The following NDUFS4 variants were observed in gnomAD, a reference collection of about 807,000 sequenced individuals.
NDUFS4 encodes NADH:ubiquinone oxidoreductase subunit S4.
In NDUFS4, 28 loss-of-function variants were observed where a neutral mutation model predicts 24.3. The observed-to-expected ratio is 1.15, with a 90% CI of 0.85 to 1.58. NDUFS4 has a LOEUF of 1.58. Among genes scored for constraint, NDUFS4 ranks in the 40% most tolerant of loss-of-function variants. The pLI is 0.00. For missense variants in NDUFS4, 223 were observed against 207.9 expected (o/e 1.07, Z -0.45); for synonymous variants, 93 against 69.7 (o/e 1.34, Z -1.67).
At position 53,632,265 on chromosome 5, in the gene NDUFS4, G is replaced by C. The variant is rs1751431385; in HGVS notation, c.178-13968G>C. Among the ~76,000 whole-genome samples the C allele has an allele frequency of 7.9e-5, 12 of 152,290 alleles. No homozygotes were observed. The South Asian group carries it at 2.5e-3, about 32-fold the overall frequency. ...ACTGTCTTCCTTTATACAGCATTTA[G>C]ATTTGTTTCAGCAGTCTACTACTGC... On this transcript the variant is annotated intron_variant, in intron 2 of 4. Transcript: ENST00000296684.
chr5:53,619,114 AAAT>A (rs574681564), intron 2 of NDUFS4, among the ~76,000 whole-genome samples: 18 of 148,958 alleles, frequency 1.2e-4, no homozygotes, highest in Admixed American at 2.0e-4. Flanking sequence ...ACTGTCTCCA[AAAT>A]AATAATAATA....
At position 53,560,727 on chromosome 5, in the gene NDUFS4, T is replaced by C; in HGVS notation, c.65T>C (p.Val22Ala). ...TTGTGGCGGAGAAGGGCAGTGGCTGTAGCTGCCCTTTCCGTTTCCAGGGTT... is the reference window on the plus strand; with the variant it reads ...TTGTGGCGGAGAAGGGCAGTGGCTGCAGCTGCCCTTTCCGTTTCCAGGGTT... ...QTLWRRRAVA[V>A]AALSVSRVPT... The change falls in exon 1 of 5, where the codon GTA becomes GCA. Residue 22 changes from valine to alanine, a missense_variant. Transcript: ENST00000296684. The C allele has an allele frequency of 6.2e-7, 1 of 1,614,242 alleles. No individual in the cohort carries two copies. Among genetic ancestry groups the C allele is most frequent in the Non-Finnish European group, 8.5e-7 (1 of 1,180,036 alleles).
At chr5:53,665,873 G>A (rs1398113418) in intron 4 of NDUFS4, among the ~76,000 whole-genome samples, 2 of 152,180 alleles carry the variant, frequency 1.3e-5, no homozygotes, top group African/African-American at 4.8e-5. Context: ...GATGAACCCG[G>A]TACCTCAGTT....
chr5:53,652,141 T>TA (rs1225141675), intron 3 of NDUFS4, among the ~76,000 whole-genome samples: 36 of 152,312 alleles, frequency 2.4e-4, no homozygotes, highest in African/African-American at 8.4e-4. Context: ...TTGGAGGGTT[T>TA]AACAGACATC....
rs35754713 is a variant in NDUFS4 at position 53,658,784 on chromosome 5, C to CAAAA, written c.424+177_424+180dup. 394 of 138,192 alleles carry CAAAA rather than the reference C, an allele frequency of 2.9e-3. 1 individual carries two copies. Among genetic ancestry groups the CAAAA allele is most frequent in the African/African-American group, 6.7e-3 (193 of 28,612 alleles). The allele number at this position is 138,192 out of a possible 1,614,324, so 8.6% of individuals were successfully genotyped here. A position where few individuals can be genotyped will look rare whatever the true frequency, so the allele number is the denominator to read the frequency against. On this transcript the variant is annotated intron_variant, in intron 4 of 4. Coordinates refer to ENST00000296684, the MANE Select transcript of NDUFS4 (RefSeq NM_002495.4). ...TTAACTACATCAGAACACCCACCTC[C>CAAAA]AAAAAAAAAAAAAAAAAAAACCTAA... is the stretch of plus-strand genomic sequence containing the variant.
chr5:53,663,209 T>G (rs191587646), intron 4 of NDUFS4, among the ~76,000 whole-genome samples: 1 of 152,354 alleles, frequency 6.6e-6, no homozygotes, highest in Non-Finnish European at 1.5e-5. Context: ...TTTGTTATAA[T>G]TTCTGTTCTT....
intron 1 of NDUFS4, among the ~76,000 whole-genome samples, chr5:53,598,844 G>A (rs1267113181): frequency 6.6e-6 from 1 of 152,100 alleles, no homozygotes; most frequent in African/African-American, 2.4e-5. Flanking sequence ...TAAATGGCTT[G>A]TACGCTTATA....
At chr5:53,635,928 A>G (rs901243115) in intron 2 of NDUFS4, among the ~76,000 whole-genome samples, 15 of 152,332 alleles carry the variant, frequency 9.8e-5, no homozygotes, top group African/African-American at 2.6e-4. Context: ...GTTATGTCAT[A>G]TGTCAAATCA....
At chr5:53,643,625 G>A (rs1751764032) in intron 2 of NDUFS4, among the ~76,000 whole-genome samples, 1 of 152,100 alleles carries the variant, frequency 6.6e-6, no homozygotes, top group Non-Finnish European at 1.5e-5. Context: ...GAAGCTGTGT[G>A]GATGAAATGA....
intron 4 of NDUFS4, among the ~76,000 whole-genome samples, chr5:53,681,450 T>G (rs1740662020): frequency 6.6e-6 from 1 of 152,166 alleles, no homozygotes; most frequent in Non-Finnish European, 1.5e-5. Flanking sequence ...GACATGTACT[T>G]TAATCCTCAT....
At chr5:53,668,284 T>C (rs1752573646) in intron 4 of NDUFS4, among the ~76,000 whole-genome samples, 1 of 152,208 alleles carries the variant, frequency 6.6e-6, no homozygotes, top group African/African-American at 2.4e-5. Context: ...CAGGGACTAT[T>C]CTGAAGATAA....
intron 2 of NDUFS4, among the ~76,000 whole-genome samples, chr5:53,629,435 G>C (rs1014606705): frequency 2.6e-5 from 4 of 152,134 alleles, no homozygotes; most frequent in Admixed American, 1.3e-4. Context: ...GGATATCCTT[G>C]TTAATTTTCT....
rs554122243 is a variant in NDUFS4 at position 53,639,449 on chromosome 5, T to A, written c.178-6784T>A. 2.4e-4 allele frequency among the ~76,000 whole-genome samples: 36 copies of A among 152,110 alleles called. No individual in the cohort carries two copies. The South Asian group carries it at 6.8e-3, about 29-fold the overall frequency. ...CAATTAATGTTTCAGCATTTTATTT[T>A]ACTAAGAAATGACCTAGACATTTAA... On this transcript the variant is annotated intron_variant, in intron 2 of 4. Transcript: ENST00000296684.
intron 3 of NDUFS4, among the ~76,000 whole-genome samples, chr5:53,653,843 A>G (rs1430004462): frequency 2.0e-5 from 3 of 152,112 alleles, no homozygotes; most frequent in Admixed American, 1.3e-4. Flanking sequence ...TTTTATCACT[A>G]TTTCAGATGA....
At chr5:53,607,728 C>T (rs576692069) in intron 2 of NDUFS4, among the ~76,000 whole-genome samples, 87 of 152,146 alleles carry the variant, frequency 5.7e-4, no homozygotes, top group South Asian at 1.5e-3. Flanking sequence ...TATTTTGCTC[C>T]TTTTTCTAAC....
chr5:53,612,497 A>T (rs890546344), intron 2 of NDUFS4, among the ~76,000 whole-genome samples: 1 of 152,156 alleles, frequency 6.6e-6, no homozygotes, highest in African/African-American at 2.4e-5. Context: ...GCACAATGCT[A>T]TTAATGTAAA....
intron 1 of NDUFS4, chr5:53,573,458 T>C (rs1365321118): frequency 3.3e-6 from 1 of 304,688 alleles, no homozygotes; most frequent in Non-Finnish European, 6.4e-6. Context: ...GTATGTCTCT[T>C]TATTTATTTA....
At chr5:53,658,731 A>G (rs1037810314) in intron 4 of NDUFS4, 107 bp downstream of exon 4, 12 of 752,682 alleles carry the variant, frequency 1.6e-5, no homozygotes, top group Admixed American at 4.4e-5. Flanking sequence ...CAGTGGTTTC[A>G]TTGTATCTAA....
At chr5:53,563,981 A>C (rs1021845595) in intron 1 of NDUFS4, among the ~76,000 whole-genome samples, 15 of 152,222 alleles carry the variant, frequency 9.9e-5, no homozygotes, top group African/African-American at 3.6e-4. Flanking sequence ...GTGTTCATGT[A>C]TACTTATCTC....
Sources: allele counts gnomAD v4.1 joint callset (sites outside exome capture counted in the v4.1 genomes callset), GRCh38; gene constraint gnomAD v4.1.1; transcripts MANE v1.5; gene names NCBI Gene and HGNC (gene_info 2026-07-23, HGNC 2026-07-21).